The following CTNNA3 variants were observed in gnomAD, a reference collection of about 807,000 sequenced individuals.
CTNNA3 encodes the protein catenin alpha-3.
A neutral mutation model predicts 95.7 loss-of-function variants in CTNNA3; 76 were observed. The observed-to-expected ratio is 0.79, with a 90% confidence interval of 0.66 to 0.96. The LOEUF (loss-of-function observed/expected upper bound fraction) is 0.96. Ranked by LOEUF, CTNNA3 falls within the 40% of genes least tolerant of loss-of-function variation. CTNNA3 has a pLI of 0.00. For synonymous variants in CTNNA3, 431 were observed against 374.4 expected (o/e 1.15, Z -1.74); for missense variants, 1,191 against 1,089.8 (o/e 1.09, Z -1.31).
At chr10:66,581,389 C>T (rs779224310) in intron 10 of CTNNA3, among the ~76,000 whole-genome samples, 63 of 146,740 alleles carry the variant, frequency 4.3e-4, no homozygotes, top group Non-Finnish European at 7.1e-4. Flanking sequence ...TCTTTCACCA[C>T]GTCCACCCGA....
At chr10:66,644,005 C>T (rs555535652) in intron 9 of CTNNA3, among the ~76,000 whole-genome samples, 2 of 152,172 alleles carry the variant, frequency 1.3e-5, no homozygotes, top group Non-Finnish European at 2.9e-5. Context: ...TGCCTATAAT[C>T]CCAGCACTTT....
At chr10:67,152,660 G>C (rs1861135599) in intron 7 of CTNNA3, among the ~76,000 whole-genome samples, 1 of 152,050 alleles carries the variant, frequency 6.6e-6, no homozygotes, top group Admixed American at 6.5e-5. Flanking sequence ...TGTTGATATA[G>C]GATAAGCTAA....
At chr10:66,568,256 G>A (rs1156743882) in intron 10 of CTNNA3, among the ~76,000 whole-genome samples, 1 of 152,130 alleles carries the variant, frequency 6.6e-6, no homozygotes, top group Non-Finnish European at 1.5e-5. Flanking sequence ...AGTAGTAGCT[G>A]AGAGTGCTTC....
At chr10:65,952,797 C>A (rs2133212999) in intron 17 of CTNNA3, among the ~76,000 whole-genome samples, 1 of 152,248 alleles carries the variant, frequency 6.6e-6, no homozygotes, top group African/African-American at 2.4e-5. Flanking sequence ...AGCTGAGTTG[C>A]AGTTGCTTGG....
chr10:65,984,803 A>C (rs2078393906), intron 16 of CTNNA3, among the ~76,000 whole-genome samples: 1 of 151,304 alleles, frequency 6.6e-6, no homozygotes, highest in Admixed American at 6.6e-5. Flanking sequence ...AATACATGTA[A>C]ATATGTGTCA....
At chr10:67,397,150 G>A (rs1250772085) in intron 5 of CTNNA3, among the ~76,000 whole-genome samples, 1 of 152,138 alleles carries the variant, frequency 6.6e-6, no homozygotes, top group Non-Finnish European at 1.5e-5. Flanking sequence ...GGTTGGAACA[G>A]TTTAGAGGGC....
rs565652684 is a variant in CTNNA3, at chr10:67,266,681, T to C, written c.580-46811A>G. ...GATGAGTAACTCAGAAATGAGGAGT[T>C]GCTTTTCAAAGGGTACAAAGTTTCA... On this transcript the variant is annotated intron_variant, in intron 5 of 17. Coordinates refer to ENST00000433211, the MANE Select transcript of CTNNA3 (RefSeq NM_013266.4). Among the ~76,000 whole-genome samples, 40 of 152,274 alleles carry C rather than the reference T, an allele frequency of 2.6e-4. No individual in the cohort carries two copies. The East Asian group carries it at 7.0e-3, about 26-fold the overall frequency.
At chr10:66,057,658 T>C (rs936297935) in intron 15 of CTNNA3, among the ~76,000 whole-genome samples, 15 of 152,258 alleles carry the variant, frequency 9.9e-5, no homozygotes, top group African/African-American at 3.1e-4. Flanking sequence ...AGAATATTTA[T>C]GGGAAAGGCA....
intron 7 of CTNNA3, among the ~76,000 whole-genome samples, chr10:67,153,267 C>T (rs10997535): frequency 1.3e-5 from 2 of 152,182 alleles, no homozygotes; most frequent in South Asian, 2.1e-4. Flanking sequence ...TGAGCCACCA[C>T]GCCTAGCCAG....
intron 1 of CTNNA3, among the ~76,000 whole-genome samples, chr10:67,652,655 A>G (rs568962221): frequency 8.5e-5 from 13 of 152,310 alleles, no homozygotes; most frequent in Non-Finnish European, 1.6e-4. Flanking sequence ...CAGAGATATC[A>G]TACATAATAC....
chr10:66,693,517 C>T (rs545739399), intron 9 of CTNNA3, among the ~76,000 whole-genome samples: 3 of 151,562 alleles, frequency 2.0e-5, no homozygotes, highest in Admixed American at 6.6e-5. Flanking sequence ...TAATGAGAGA[C>T]TTTAACACCC....
chr10:66,229,509 C>T (rs570478676), intron 13 of CTNNA3, among the ~76,000 whole-genome samples: 1 of 152,042 alleles, frequency 6.6e-6, no homozygotes, highest in Non-Finnish European at 1.5e-5. Flanking sequence ...TCTCGTCTCA[C>T]AGGTTTTTTT....
chr10:66,393,383 G>A (rs1297750328), intron 11 of CTNNA3, among the ~76,000 whole-genome samples: 2 of 152,010 alleles, frequency 1.3e-5, no homozygotes, highest in Non-Finnish European at 2.9e-5. Flanking sequence ...TAATAATAAT[G>A]TATCAGTATT....
At chr10:66,765,866 T>C (rs1273578485) in intron 9 of CTNNA3, among the ~76,000 whole-genome samples, 1 of 152,214 alleles carries the variant, frequency 6.6e-6, no homozygotes, top group Non-Finnish European at 1.5e-5. Context: ...ATTCTTGTTC[T>C]GTAGTCATGC....
intron 5 of CTNNA3, among the ~76,000 whole-genome samples, chr10:67,387,801 C>T (rs1425822962): frequency 1.3e-5 from 2 of 152,248 alleles, no homozygotes; most frequent in Non-Finnish European, 2.9e-5. Context: ...CAGGAGCACA[C>T]TGACACCTCA....
At chr10:67,538,244 G>A (rs1564724286) in intron 4 of CTNNA3, among the ~76,000 whole-genome samples, 1 of 149,248 alleles carries the variant, frequency 6.7e-6, no homozygotes, top group Non-Finnish European at 1.5e-5. Context: ...AGTACACAGA[G>A]AGGGTCACTC....
intron 5 of CTNNA3, among the ~76,000 whole-genome samples, chr10:67,489,504 ACATTT>A (rs1248084180): frequency 6.6e-6 from 1 of 152,170 alleles, no homozygotes; most frequent in African/African-American, 2.4e-5. Context: ...CAGTAACCAA[ACATTT>A]AAGCGTGGAA....
chr10:67,362,082 A>C (rs1843008605), intron 5 of CTNNA3, among the ~76,000 whole-genome samples: 1 of 152,066 alleles, frequency 6.6e-6, no homozygotes, highest in African/African-American at 2.4e-5. Context: ...AGAAATTAAA[A>C]CTCTGACCTG....
Position 67,577,722 on chromosome 10 carries a change from G to GTGTGTGTGTA in CTNNA3, c.292+29134_292+29135insTACACACACA, listed in dbSNP as rs1554856328. Among the ~76,000 whole-genome samples, 189 of 146,654 alleles carry GTGTGTGTGTA rather than the reference G, an allele frequency of 1.3e-3. 1 individual carries two copies. The highest frequency in any genetic ancestry group is 4.1e-3 in the African/African-American group (158 of 38,732). ...CACATATGTGTGTGTGTGTGTGTGT[G>GTGTGTGTGTA]TATATATACTACATTTTCTTTATCC... On this transcript the variant is annotated intron_variant, in intron 3 of 17. Transcript: ENST00000433211.
Sources: allele counts gnomAD v4.1 joint callset (sites outside exome capture counted in the v4.1 genomes callset), GRCh38; gene constraint gnomAD v4.1.1; transcripts MANE v1.5; gene names NCBI Gene and HGNC (gene_info 2026-07-23, HGNC 2026-07-21).